Variants in SLC25A21 observed in about 807,000 individuals in gnomAD.
The protein encoded by SLC25A21 is solute carrier family 25 member 21.
In SLC25A21, 47 loss-of-function variants were observed where a neutral mutation model predicts 43.8. That is an observed-to-expected ratio of 1.07 (90% CI 0.85 to 1.37). The LOEUF (loss-of-function observed/expected upper bound fraction) is 1.37. Ranked by LOEUF, SLC25A21 falls within the 40% of genes most tolerant of loss-of-function variation. The pLI, the probability that SLC25A21 is intolerant of heterozygous loss-of-function variation, is 0.00. For missense variants in SLC25A21, 352 were observed against 350.2 expected (o/e 1.00, Z -0.04); for synonymous variants, 131 against 121.3 (o/e 1.08, Z -0.52).
chr14:37,113,472 A>G (rs1464917613), intron 1 of SLC25A21, among the ~76,000 whole-genome samples: 1 of 152,184 alleles, frequency 6.6e-6, no homozygotes, highest in African/African-American at 2.4e-5. Context: ...AAACAATTAT[A>G]TCATTGAGAA....
rs1442671341 is a variant in SLC25A21 at position 36,680,444 on chromosome 14, ATAT to A, written c.*211_*213del. 5 of 1,181,668 alleles carry A rather than the reference ATAT, an allele frequency of 4.2e-6. No individual in the cohort carries two copies. Among genetic ancestry groups the A allele is most frequent in the Non-Finnish European group, 5.3e-6 (5 of 949,260 alleles). The allele number at this position is 1,181,668 out of a possible 1,614,324, so 73.2% of individuals were successfully genotyped here. ...TTCACTTTAAATACCTCATTGTTTC[ATAT>A]TATTTTTTTCTTCTCACAGTTTTAT... On this transcript the variant is annotated 3_prime_UTR_variant, in exon 10 of 10. Transcript: ENST00000331299.
chr14:37,018,405 C>T (rs1168811949), intron 1 of SLC25A21, among the ~76,000 whole-genome samples: 2 of 152,034 alleles, frequency 1.3e-5, no homozygotes, highest in Non-Finnish European at 2.9e-5. Context: ...TTATGAGAAT[C>T]ATTTCACAAT....
intron 6 of SLC25A21, chr14:36,725,181 TA>T (rs1884542570): frequency 6.6e-6 from 1 of 152,642 alleles, no homozygotes; most frequent in Admixed American, 6.5e-5. Flanking sequence ...ACATTAAAAA[TA>T]AGTTTTTATG....
At chr14:37,101,874 G>A (rs975910782) in intron 1 of SLC25A21, among the ~76,000 whole-genome samples, 10 of 152,084 alleles carry the variant, frequency 6.6e-5, no homozygotes, top group African/African-American at 2.4e-4. Flanking sequence ...TCTTGATAAA[G>A]AAGACTGTAC....
At chr14:36,903,881 C>T (rs544067087) in intron 1 of SLC25A21, among the ~76,000 whole-genome samples, 1 of 152,220 alleles carries the variant, frequency 6.6e-6, no homozygotes, top group East Asian at 1.9e-4. Context: ...GATTCTAAAT[C>T]GAACTAAGCG....
chr14:36,682,388 T>G (rs1485740108), intron 9 of SLC25A21, among the ~76,000 whole-genome samples: 1 of 152,174 alleles, frequency 6.6e-6, no homozygotes, highest in African/African-American at 2.4e-5. Context: ...ACAAGAACCC[T>G]TTTCTTTGAG....
intron 3 of SLC25A21, among the ~76,000 whole-genome samples, chr14:36,736,287 A>G (rs1885037693): frequency 6.6e-6 from 1 of 152,110 alleles, no homozygotes; most frequent in Non-Finnish European, 1.5e-5. Context: ...ATAGGAAGTA[A>G]AGCAGATACA....
intron 3 of SLC25A21, 91 bp from the exon 4 acceptor site, chr14:36,734,664 T>C: frequency 1.1e-6 from 1 of 917,240 alleles, no homozygotes; most frequent in Admixed American, 2.1e-5. Flanking sequence ...GTATTCCCGA[T>C]TATTCAACAT....
At chr14:36,691,240 T>C (rs1360564749) in intron 7 of SLC25A21, among the ~76,000 whole-genome samples, 1 of 152,220 alleles carries the variant, frequency 6.6e-6, no homozygotes, top group African/African-American at 2.4e-5. Flanking sequence ...TCATTCAACA[T>C]GCAAGGAGAT....
At chr14:36,963,771 C>A (rs1193118611) in intron 1 of SLC25A21, among the ~76,000 whole-genome samples, 1 of 152,100 alleles carries the variant, frequency 6.6e-6, no homozygotes, top group East Asian at 1.9e-4. Context: ...CCCCTCGTTA[C>A]CCTGCGCAAC....
intron 2 of SLC25A21, among the ~76,000 whole-genome samples, chr14:36,858,000 T>C (rs1036880060): frequency 3.9e-5 from 6 of 152,224 alleles, no homozygotes; most frequent in Non-Finnish European, 8.8e-5. Context: ...AAACGTTGCA[T>C]AGTCATTAGG....
Position 36,880,154 on chromosome 14 carries a change from A to G in SLC25A21, c.71-5150T>C, listed in dbSNP as rs184660758. On this transcript the variant is annotated intron_variant, in intron 1 of 9. Transcript: ENST00000331299. ...ACTAAGTTCTGGCCAAAGGGATGTA[A>G]GGGAAAGTGGTTTGAGCAACATCTG... Among the ~76,000 whole-genome samples, 8 of 152,246 alleles carry G rather than the reference A, an allele frequency of 5.3e-5. No individual in the cohort carries two copies. The East Asian group carries it at 1.5e-3, about 29-fold the overall frequency.
At chr14:36,730,809 C>G (rs997225844) in intron 4 of SLC25A21, among the ~76,000 whole-genome samples, 2 of 152,084 alleles carry the variant, frequency 1.3e-5, no homozygotes, top group Admixed American at 6.6e-5. Context: ...AAAGAGAAAC[C>G]TCTGCCTACT....
Position 37,030,042 on chromosome 14 carries a change from G to C in SLC25A21, c.70+142239C>G, listed in dbSNP as rs140012491. 8.9e-3 allele frequency among the ~76,000 whole-genome samples: 1,351 copies of C among 152,220 alleles called. 29 individuals carry two copies. Among genetic ancestry groups the C allele is most frequent in the African/African-American group, 0.031 (1,267 of 41,538 alleles). On this transcript the variant is annotated intron_variant, in intron 1 of 9. Coordinates refer to ENST00000331299, the MANE Select transcript of SLC25A21 (RefSeq NM_030631.4). The stretch of plus-strand genomic sequence containing the variant: ...GGCTTCCCAAAGTGCTGGGATTACA[G>C]GCGTGAGCCACTGCACCTGGCCGAA...
chr14:36,866,950 C>T (rs1890230027), intron 2 of SLC25A21, among the ~76,000 whole-genome samples: 1 of 152,168 alleles, frequency 6.6e-6, no homozygotes, highest in East Asian at 1.9e-4. Context: ...TTACCTGTTT[C>T]ATTTTTACTT....
At chr14:36,869,952 G>A (rs767943521) in intron 2 of SLC25A21, among the ~76,000 whole-genome samples, 2 of 152,172 alleles carry the variant, frequency 1.3e-5, no homozygotes, top group African/African-American at 2.4e-5. Flanking sequence ...TGTGGAAATA[G>A]TAGGGAAAAG....
chr14:37,100,907 G>A (rs1371560064), intron 1 of SLC25A21, among the ~76,000 whole-genome samples: 3 of 152,174 alleles, frequency 2.0e-5, no homozygotes, highest in African/African-American at 7.2e-5. Flanking sequence ...ACTTAGAATA[G>A]TGCCTGAAAC....
chr14:36,825,408 T>G (rs1004224410), intron 2 of SLC25A21, among the ~76,000 whole-genome samples: 2 of 152,206 alleles, frequency 1.3e-5, no homozygotes, highest in African/African-American at 4.8e-5. Context: ...AAAAATCACT[T>G]AGAATACTGG....
intron 1 of SLC25A21, among the ~76,000 whole-genome samples, chr14:37,135,289 T>C (rs747628490): frequency 2.0e-5 from 3 of 152,044 alleles, no homozygotes; most frequent in Non-Finnish European, 4.4e-5. Flanking sequence ...GCCCAGCCAC[T>C]CAGGAAGCTG....
Sources: gnomAD v4.1 joint callset for allele counts (sites outside exome capture counted in the v4.1 genomes callset) on GRCh38, gnomAD v4.1.1 for gene constraint, MANE v1.5 for transcripts, NCBI Gene and HGNC (gene_info 2026-07-23, HGNC 2026-07-21) for gene names.